Variants in ABCG8 observed in about 807,000 individuals in gnomAD.
ABCG8 encodes the protein ATP-binding cassette sub-family G member 8.
ABCG8 carries 81 observed loss-of-function variants against 71.3 expected under a neutral mutation model. That is an observed-to-expected ratio of 1.14 (90% CI 0.95 to 1.37). The LOEUF is 1.37. Ranked by LOEUF, ABCG8 falls within the 40% of genes most tolerant of loss-of-function variation. The pLI, the probability that ABCG8 is intolerant of heterozygous loss-of-function variation, is 0.00. For synonymous variants in ABCG8, 451 were observed against 354.7 expected (o/e 1.27, Z -3.05); for missense variants, 1,119 against 866.2 (o/e 1.29, Z -3.66).
chr2:43,854,316 C>T (rs1669026524), intron 6 of ABCG8, among the ~76,000 whole-genome samples: 1 of 152,096 alleles, frequency 6.6e-6, no homozygotes, highest in African/African-American at 2.4e-5. Context: ...ATTATCTTGT[C>T]TTGAGATGTG....
At position 43,851,865 on chromosome 2, in the gene ABCG8, T is replaced by C. The variant is rs4148214; in HGVS notation, c.561+43T>C. ...GTGGTGACCCCCAGGTCCAAGAAGC[T>C]ACAGTGTCCATGCCCCGCTCCTCCC... On this transcript the variant is annotated intron_variant, in intron 4 of 12. Coordinates refer to ENST00000272286, the MANE Select transcript of ABCG8 (RefSeq NM_022437.3). The C allele has an allele frequency of 0.58, 935,816 of 1,601,100 alleles. 277,046 individuals are homozygous for C. Among genetic ancestry groups the C allele is most frequent in the East Asian group, 0.84 (37,590 of 44,824 alleles).
Position 43,879,568 on chromosome 2 carries a change from A to G in ABCG8, c.*1655A>G, listed in dbSNP as rs537748914. On this transcript the variant is annotated 3_prime_UTR_variant, in exon 13 of 13. Transcript: ENST00000272286. ...AGGATGCTTGCACGGTCATGTTGCC[A>G]CCATCCAACCTGCAGACCCCATTCT... 2.4e-4 allele frequency: 37 copies of G among 152,338 alleles called. 1 individual carries two copies. The East Asian group carries it at 7.1e-3, about 29-fold the overall frequency. 9.4% of individuals were successfully genotyped at this position (152,338 alleles called of 1,614,324 possible).
At position 43,852,823 on chromosome 2, in the gene ABCG8, A is replaced by T; in HGVS notation, c.919A>T (p.Ile307Phe). ...AQHMVQYFTA[I>F]GYPCPRYSNP... The stretch of plus-strand genomic sequence containing the variant: ...GCACATGGTCCAGTATTTCACAGCC[A>T]TCGGCTACCCCTGTCCTCGCTACAG... Residue 307 changes from isoleucine (I) to phenylalanine (F), a missense_variant, in exon 6 of 13, where the codon ATC becomes TTC. Physicochemically the swap from Ile to Phe is conservative, Grantham distance 21. Coordinates refer to ENST00000272286, the MANE Select transcript of ABCG8 (RefSeq NM_022437.3). The T allele has an allele frequency of 6.2e-7, 1 of 1,614,118 alleles. No individual in the cohort carries two copies. The highest frequency in any genetic ancestry group is 8.5e-7 in the Non-Finnish European group (1 of 1,180,020).
At chr2:43,856,670 T>C (rs1669119068) in intron 6 of ABCG8, among the ~76,000 whole-genome samples, 1 of 151,956 alleles carries the variant, frequency 6.6e-6, no homozygotes, top group African/African-American at 2.4e-5. Flanking sequence ...TCTCTATCTA[T>C]CTGGATATAA....
chr2:43,856,169 G>T (rs1018833761), intron 6 of ABCG8, among the ~76,000 whole-genome samples: 1 of 152,062 alleles, frequency 6.6e-6, no homozygotes, highest in Non-Finnish European at 1.5e-5. Flanking sequence ...TTTCTGGATA[G>T]AACTCTCACT....
intron 6 of ABCG8, among the ~76,000 whole-genome samples, chr2:43,866,010 G>T (rs898192301): frequency 6.6e-6 from 1 of 151,902 alleles, no homozygotes; most frequent in African/African-American, 2.4e-5. Context: ...TAGATCAATA[G>T]AACAGAACAG....
At chr2:43,877,188 G>C (rs562111117) in intron 11 of ABCG8, among the ~76,000 whole-genome samples, 5 of 150,842 alleles carry the variant, frequency 3.3e-5, no homozygotes, top group African/African-American at 7.3e-5. Context: ...ATATAAAGAA[G>C]ACCATGGGAA....
At chr2:43,873,719 T>G in intron 8 of ABCG8, 68 bp from the exon 9 acceptor site, 3 of 1,527,630 alleles carry the variant, frequency 2.0e-6, no homozygotes, top group Non-Finnish European at 2.7e-6. Context: ...ATGGAGACTG[T>G]GACATTCCCA....
chr2:43,862,778 T>C (rs1234217587), intron 6 of ABCG8, among the ~76,000 whole-genome samples: 9 of 149,632 alleles, frequency 6.0e-5, no homozygotes, highest in South Asian at 2.1e-4. Context: ...TTGGTAGAAC[T>C]CTCACTATCT....
intron 3 of ABCG8, among the ~76,000 whole-genome samples, chr2:43,851,236 G>A (rs964734750): frequency 2.0e-5 from 3 of 152,218 alleles, no homozygotes; most frequent in African/African-American, 7.2e-5. Flanking sequence ...GGGCCTTGGT[G>A]GGTGGCAGGA....
intron 1 of ABCG8, among the ~76,000 whole-genome samples, chr2:43,842,922 T>C (rs1470631257): frequency 6.6e-6 from 1 of 152,184 alleles, no homozygotes; most frequent in African/African-American, 2.4e-5. Flanking sequence ...TCACCGAATT[T>C]CTTTCCCTCC....
chr2:43,846,948 T>C (rs1487493716), intron 3 of ABCG8: 2 of 173,496 alleles, frequency 1.2e-5, no homozygotes, highest in Non-Finnish European at 2.5e-5. Flanking sequence ...TCAAACTCCC[T>C]ACTCCTCAGT....
At chr2:43,864,590 G>A (rs1669454067) in intron 6 of ABCG8, among the ~76,000 whole-genome samples, 1 of 151,750 alleles carries the variant, frequency 6.6e-6, no homozygotes, top group Admixed American at 6.6e-5. Context: ...CTCACCATCT[G>A]CATGGAACTC....
intron 6 of ABCG8, among the ~76,000 whole-genome samples, chr2:43,869,572 ACT>A (rs1669683009): frequency 6.6e-6 from 1 of 150,998 alleles, no homozygotes; most frequent in African/African-American, 2.4e-5. Context: ...TCTGGATAGA[ACT>A]CTCAGTATCT....
At chr2:43,842,578 C>G (rs1376172205) in intron 1 of ABCG8, among the ~76,000 whole-genome samples, 1 of 152,050 alleles carries the variant, frequency 6.6e-6, no homozygotes, top group Non-Finnish European at 1.5e-5. Flanking sequence ...GAGTTCTACT[C>G]ACTGGCTTGC....
chr2:43,846,997 C>CAA (rs1410762858), intron 3 of ABCG8: 1 of 85,150 alleles, frequency 1.2e-5, no homozygotes, highest in East Asian at 2.9e-4. Context: ...CGTGCACACA[C>CAA]ACACACACAC....
intron 6 of ABCG8, among the ~76,000 whole-genome samples, chr2:43,858,536 A>G (rs1224323936): frequency 2.0e-5 from 3 of 151,328 alleles, no homozygotes; most frequent in African/African-American, 7.3e-5. Context: ...AATTCTCACC[A>G]TCTGGATAGA....
intron 6 of ABCG8, among the ~76,000 whole-genome samples, chr2:43,859,906 T>C (rs1456497836): frequency 1.3e-5 from 2 of 150,800 alleles, no homozygotes; most frequent in Non-Finnish European, 3.0e-5. Flanking sequence ...GAATTCTCAT[T>C]CTCTGGATAG....
intron 2 of ABCG8, 25 bp downstream of exon 2, chr2:43,844,633 G>C: frequency 6.3e-7 from 1 of 1,578,108 alleles, no homozygotes; most frequent in Non-Finnish European, 8.7e-7. Flanking sequence ...GGGTTCAAGG[G>C]GAGAGGAGCA....
Sources: allele counts gnomAD v4.1 joint callset (sites outside exome capture counted in the v4.1 genomes callset), GRCh38; gene constraint gnomAD v4.1.1; transcripts MANE v1.5; gene names NCBI Gene and HGNC (gene_info 2026-07-23, HGNC 2026-07-21).